MGST1: variants seen among roughly 807,000 people sequenced by gnomAD.
MGST1 encodes microsomal glutathione S-transferase 1, also known as glutathione S-transferase 12.
A neutral mutation model predicts 8.9 loss-of-function variants in MGST1; 5 were observed. That is an observed-to-expected ratio of 0.56 (90% CI 0.29 to 1.19). The LOEUF (loss-of-function observed/expected upper bound fraction) is 1.19, where lower values mean the gene tolerates loss of function less well. Among genes scored for constraint, MGST1 ranks in the 50% most tolerant of loss-of-function variants. The probability of loss-of-function intolerance (pLI) is 0.08; values close to 1 mark genes in which losing one functional copy is unlikely to be tolerated. For synonymous variants in MGST1, 54 were observed against 67.8 expected, an observed-to-expected ratio of 0.80 and a Z score of 1.00; for missense variants, 182 against 187.4, an observed-to-expected ratio of 0.97 and a Z score of 0.17.
intron 1 of MGST1, among the ~76,000 whole-genome samples, chr12:16,420,709 A>G (rs866288597): frequency 7.9e-5 from 12 of 152,106 alleles, no homozygotes; most frequent in African/African-American, 1.9e-4. Flanking sequence ...GGAGCTGTCT[A>G]TAGGAAGCGG....
intron 4 of MGST1, among the ~76,000 whole-genome samples, chr12:16,530,651 A>G (rs1941717046): frequency 6.6e-6 from 1 of 152,104 alleles, no homozygotes. Context: ...GTTGTTCCAG[A>G]TGGTTGCATA....
intron 1 of MGST1, among the ~76,000 whole-genome samples, chr12:16,409,345 G>A (rs1467485266): frequency 1.3e-5 from 2 of 151,960 alleles, no homozygotes; most frequent in Non-Finnish European, 2.9e-5. Flanking sequence ...TATATATTCT[G>A]AAAGGAATCT....
intron 4 of MGST1, among the ~76,000 whole-genome samples, chr12:16,510,142 G>A (rs766963745): frequency 3.3e-5 from 5 of 152,172 alleles, no homozygotes; most frequent in Admixed American, 6.5e-5. Flanking sequence ...CTTCTACGTC[G>A]TGCAGTTTGG....
Position 16,540,207 on chromosome 12 carries a change from A to G in MGST1, n.483-49321A>G, listed in dbSNP as rs550617124. 2.0e-5 allele frequency among the ~76,000 whole-genome samples: 3 copies of G among 152,188 alleles called. No homozygotes were observed. The South Asian group carries it at 6.2e-4, about 32-fold the overall frequency. ...AGCTACTTGATCTTGGAGCCTTGATATCTCCTTCCTCTTCCTTCTCCACCC... is the reference window on the plus strand; with the variant it reads ...AGCTACTTGATCTTGGAGCCTTGATGTCTCCTTCCTCTTCCTTCTCCACCC... On this transcript the variant is annotated intron_variant and non_coding_transcript_variant, in intron 4 of 4. Coordinates refer to the MGST1 transcript ENST00000538857.
In MGST1 at chr12:16,517,688, G is replaced by T. The variant is rs1009276044; in HGVS notation, n.483-71840G>T. Among the ~76,000 whole-genome samples the T allele has an allele frequency of 6.6e-6, 1 of 152,162 alleles. No homozygotes were observed. Among genetic ancestry groups the T allele is most frequent in the Non-Finnish European group, 1.5e-5 (1 of 68,026 alleles). On this transcript the variant is annotated intron_variant and non_coding_transcript_variant, in intron 4 of 4. Coordinates refer to the MGST1 transcript ENST00000538857. This position sits in a 1 kb window ranked among gnomAD's most constrained non-coding sequence, Gnocchi z 4.2. Reference sequence around the variant, plus strand: ...AGAGTGTTGCAAGCCAACTTGGCTTGTGCTCATCTAAGCACTGTCCACAGA... The same window carrying T: ...AGAGTGTTGCAAGCCAACTTGGCTTTTGCTCATCTAAGCACTGTCCACAGA...
chr12:16,468,337 A>G (rs1941267796), intron 4 of MGST1, among the ~76,000 whole-genome samples: 2 of 152,174 alleles, frequency 1.3e-5, no homozygotes, highest in African/African-American at 4.8e-5. Flanking sequence ...AATTTTTCAA[A>G]CATAGAAATT....
chr12:16,536,688 T>C (rs1003889268), intron 4 of MGST1, among the ~76,000 whole-genome samples: 1 of 152,152 alleles, frequency 6.6e-6, no homozygotes, highest in Non-Finnish European at 1.5e-5. Flanking sequence ...AGGCACGTCT[T>C]ACATGGTGGT....
downstream of MGST1, among the ~76,000 whole-genome samples, chr12:16,443,074 T>C (rs150644321): frequency 3.2e-3 from 492 of 151,942 alleles, 2 homozygotes; most frequent in Middle Eastern, 0.02. Context: ...TAGGGTTATA[T>C]ATATTCTTGT....
rs554865181 is a variant in MGST1 at position 16,555,052 on chromosome 12, A to G, written n.483-34476A>G. Among the ~76,000 whole-genome samples the G allele has an allele frequency of 5.3e-5, 8 of 152,336 alleles. No homozygotes were observed. The highest frequency in any genetic ancestry group is 1.2e-4 in the African/African-American group (5 of 41,588). Reference sequence around the variant, plus strand: ...TATACTTTACTTTCCTCATCTGTCAAATGAAGCTAATAACTACCTATTTAT... The same window carrying G: ...TATACTTTACTTTCCTCATCTGTCAGATGAAGCTAATAACTACCTATTTAT... On this transcript the variant is annotated intron_variant and non_coding_transcript_variant, in intron 4 of 4. Transcript: ENST00000538857. The surrounding 1 kb of genome is among the most constrained non-coding windows in gnomAD (Gnocchi z 5.5).
chr12:16,562,743 G>A (rs1283784448), intron 4 of MGST1, among the ~76,000 whole-genome samples: 1 of 152,150 alleles, frequency 6.6e-6, no homozygotes, highest in Non-Finnish European at 1.5e-5. Flanking sequence ...AAAATCTATG[G>A]CAATCTGCAT....
At chr12:16,454,861 T>G in intron 4 of MGST1, among the ~76,000 whole-genome samples, 1 of 71,068 alleles carries the variant, frequency 1.4e-5, no homozygotes, top group Admixed American at 1.9e-4. Flanking sequence ...CATCAGTAAG[T>G]TTAAGTAGAC....
At chr12:16,426,417 C>G (rs1369736158) in intron 1 of MGST1, among the ~76,000 whole-genome samples, 2 of 152,194 alleles carry the variant, frequency 1.3e-5, no homozygotes, top group Admixed American at 1.3e-4. Context: ...AAATTAGACT[C>G]TTCTTCCCTC....
intron 4 of MGST1, among the ~76,000 whole-genome samples, chr12:16,483,151 A>G (rs1941376438): frequency 6.6e-6 from 1 of 152,202 alleles, no homozygotes; most frequent in Non-Finnish European, 1.5e-5. Flanking sequence ...TTCATTCTAC[A>G]GATAAGGACT....
At chr12:16,552,733 C>A (rs1942036488) in intron 4 of MGST1, among the ~76,000 whole-genome samples, 1 of 152,018 alleles carries the variant, frequency 6.6e-6, no homozygotes, top group Non-Finnish European at 1.5e-5. Flanking sequence ...ATCTTGAAAT[C>A]CTAGGGTTGT....
downstream of MGST1, among the ~76,000 whole-genome samples, chr12:16,381,543 C>G (rs186436270): frequency 9.1e-4 from 138 of 152,288 alleles, no homozygotes; most frequent in Non-Finnish European, 1.0e-3. Context: ...TTGTGGGTAA[C>G]CCGACCTTTC....
intron 1 of MGST1, among the ~76,000 whole-genome samples, chr12:16,423,798 T>C (rs965375839): frequency 2.0e-5 from 3 of 152,350 alleles, no homozygotes; most frequent in South Asian, 4.1e-4. Flanking sequence ...GTCAATTCTA[T>C]GCTCCCTCAA....
Position 16,582,313 on chromosome 12 carries a change from C to G in MGST1, n.483-7215C>G, listed in dbSNP as rs1159785246. 6.6e-6 allele frequency among the ~76,000 whole-genome samples: 1 copy of G among 152,100 alleles called. No individual in the cohort carries two copies. The highest frequency in any genetic ancestry group is 1.5e-5 in the Non-Finnish European group (1 of 68,014). Reference sequence around the variant, plus strand: ...TGTCCTGGTGTTCATTCTCTGAATTCTAGAAAACATCTTACCTGTTCCTAT... The same window carrying G: ...TGTCCTGGTGTTCATTCTCTGAATTGTAGAAAACATCTTACCTGTTCCTAT... On this transcript the variant is annotated intron_variant and non_coding_transcript_variant, in intron 4 of 4. Transcript: ENST00000538857. The surrounding 1 kb of genome is among the most constrained non-coding windows in gnomAD (Gnocchi z 4.1).
At chr12:16,399,362 A>T (rs1367486469) in intron 1 of MGST1, 1 of 1,535,324 alleles carries the variant, frequency 6.5e-7, no homozygotes, top group Non-Finnish European at 9.0e-7. Context: ...AACTGTGCAC[A>T]GATGCCTTCC....
intron 4 of MGST1, among the ~76,000 whole-genome samples, chr12:16,525,301 C>G (rs1941677360): frequency 7.7e-6 from 1 of 129,416 alleles, no homozygotes; most frequent in Non-Finnish European, 1.6e-5. Context: ...CCCCCTCCCC[C>G]CACCCCACAA....
Sources: gnomAD v4.1 joint callset for allele counts (sites outside exome capture counted in the v4.1 genomes callset) on GRCh38, gnomAD v4.1.1 for gene constraint, Gnocchi (gnomAD v3.1) non-coding constraint, MANE v1.5 for transcripts, NCBI Gene and HGNC (gene_info 2026-07-23, HGNC 2026-07-21) for gene names.